The following EPB41L5 variants were observed in gnomAD, a reference collection of about 807,000 sequenced individuals.
The protein encoded by EPB41L5 is erythrocyte membrane protein band 4.1 like 5, also known as band 4.1-like protein 5.
In EPB41L5, 55 loss-of-function variants were observed where a neutral mutation model predicts 106.6. The ratio of observed to expected loss-of-function variants is 0.52; its 90% CI spans 0.42 to 0.65. The LOEUF (loss-of-function observed/expected upper bound fraction) is 0.65. EPB41L5 is among the 30% of genes least tolerant of loss of function. The probability of loss-of-function intolerance (pLI) is 0.00; values close to 1 mark genes in which losing one functional copy is unlikely to be tolerated. For missense variants in EPB41L5, 871 were observed against 882.1 expected (o/e 0.99, Z 0.16); for synonymous variants, 297 against 306.7 (o/e 0.97, Z 0.33).
intron 2 of EPB41L5, among the ~76,000 whole-genome samples, chr2:120,041,702 A>G (rs1002550689): frequency 6.6e-6 from 1 of 152,178 alleles, no homozygotes; most frequent in Non-Finnish European, 1.5e-5. Context: ...CTAAAAATTG[A>G]TTACAACACA....
At chr2:120,056,813 A>G (rs189786344) in intron 3 of EPB41L5, among the ~76,000 whole-genome samples, 3 of 152,206 alleles carry the variant, frequency 2.0e-5, no homozygotes, top group East Asian at 1.9e-4. Context: ...TTTGTCATTG[A>G]AACCATCTGG....
At chr2:120,112,648 T>C (rs998975388) in intron 16 of EPB41L5, among the ~76,000 whole-genome samples, 1 of 152,150 alleles carries the variant, frequency 6.6e-6, no homozygotes, top group African/African-American at 2.4e-5. Flanking sequence ...CAGGGACCTA[T>C]AGGAAAAGAA....
chr2:120,090,287 A>C, intron 11 of EPB41L5, 60 bp from the exon 12 acceptor site: 1 of 1,356,136 alleles, frequency 7.4e-7, no homozygotes, highest in East Asian at 2.4e-5. Flanking sequence ...TATCTCAGAA[A>C]TAGGAGATAG....
At chr2:120,035,504 A>G (rs1031124580) in intron 2 of EPB41L5, among the ~76,000 whole-genome samples, 8 of 152,188 alleles carry the variant, frequency 5.3e-5, no homozygotes, top group East Asian at 1.9e-4. Context: ...TAAGCGCTCT[A>G]TTAATGTTTG....
rs372691088 is a variant in EPB41L5 at position 120,056,496 on chromosome 2, G to A, written c.285+14386G>A. Among the ~76,000 whole-genome samples, 11 of 151,888 alleles carry A rather than the reference G, an allele frequency of 7.2e-5. 1 individual carries two copies. In the South Asian group the frequency reaches 1.7e-3, roughly 23 times the overall value. On this transcript the variant is annotated intron_variant, in intron 3 of 24. Transcript: ENST00000263713. ...GTATTTTTAGTAGAGATGGGATTTC[G>A]CCATGTTGTCCAGGCTGGTCTTGAA...
In EPB41L5 at chr2:120,158,356, C is replaced by T. The variant is rs530245750; in HGVS notation, c.1794-2525C>T. ...CAATGCAAAAGTCCTCAACAAAATA[C>T]GGGCAAACTGAATCCAGCAGCACAT... On this transcript the variant is annotated intron_variant, in intron 20 of 24. Transcript: ENST00000263713. Among the ~76,000 whole-genome samples the T allele has an allele frequency of 1.1e-4, 16 of 152,244 alleles. 1 individual carries two copies. The South Asian group carries it at 2.7e-3, about 26-fold the overall frequency.
chr2:120,131,574 G>T (rs1018173591), intron 17 of EPB41L5, 44 bp from the exon 18 acceptor site: 1 of 1,415,130 alleles, frequency 7.1e-7, no homozygotes, highest in Admixed American at 1.7e-5. Context: ...AGCTGTGACA[G>T]CCTGGCAGAC....
Position 120,032,175 on chromosome 2 carries a change from G to A in EPB41L5, c.181-9831G>A, listed in dbSNP as rs188030730. On this transcript the variant is annotated intron_variant, in intron 2 of 24. Transcript: ENST00000263713. ...AGGTGGGCGTATCATGAGTTAAGGCGTTCCAGACCAGCCTGGCCAACAAGG... is the reference window on the plus strand; with the variant it reads ...AGGTGGGCGTATCATGAGTTAAGGCATTCCAGACCAGCCTGGCCAACAAGG... Among the ~76,000 whole-genome samples, 713 of 152,172 alleles carry A rather than the reference G, an allele frequency of 4.7e-3. 18 individuals carry two copies. The highest frequency in any genetic ancestry group is 0.037 in the Admixed American group (559 of 15,258).
At chr2:120,126,450 G>A (rs1398477541) in intron 16 of EPB41L5, among the ~76,000 whole-genome samples, 2 of 151,922 alleles carry the variant, frequency 1.3e-5, no homozygotes, top group Non-Finnish European at 2.9e-5. Context: ...CACTTAGGTC[G>A]CTTATCCATT....
chr2:120,036,118 A>G (rs1389613903), intron 2 of EPB41L5, among the ~76,000 whole-genome samples: 1 of 152,220 alleles, frequency 6.6e-6, no homozygotes, highest in Non-Finnish European at 1.5e-5. Flanking sequence ...TGTCTTCAAG[A>G]ATAAATCATA....
At position 120,090,917 on chromosome 2, in the gene EPB41L5, A is replaced by T. The variant is rs11894120; in HGVS notation, c.1043+401A>T. On this transcript the variant is annotated intron_variant, in intron 12 of 24. Coordinates refer to ENST00000263713, the MANE Select transcript of EPB41L5 (RefSeq NM_020909.4). ...AAACCTGAAGGTCATTATTCTCATG[A>T]CTCCTTGTTTGTTGTCATGAGTTAG... Among the ~76,000 whole-genome samples, 199 of 151,688 alleles carry T rather than the reference A, an allele frequency of 1.3e-3. 1 individual carries two copies. The highest frequency in any genetic ancestry group is 4.5e-3 in the African/African-American group (185 of 41,360).
rs1285561110 is a variant in EPB41L5 at position 120,168,010 on chromosome 2, G to A, written c.2135+3G>A. ...TTCTTGGTAGATGCTGTGACCAGGT[G>A]AGAAAATTATTTCTCATTTGCAGTT... On this transcript the variant is annotated splice_donor_region_variant and intron_variant, in intron 24 of 24. Coordinates refer to ENST00000263713, the MANE Select transcript of EPB41L5 (RefSeq NM_020909.4). The A allele has an allele frequency of 5.0e-6, 8 of 1,613,754 alleles. No individual in the cohort carries two copies. The South Asian group carries it at 8.8e-5, about 18-fold the overall frequency.
Position 120,057,086 on chromosome 2 carries a change from G to A in EPB41L5, c.285+14976G>A, listed in dbSNP as rs13404891. On this transcript the variant is annotated intron_variant, in intron 3 of 24. Coordinates refer to ENST00000263713, the MANE Select transcript of EPB41L5 (RefSeq NM_020909.4). ...TTCTTTATTTTTTTGTAGAGATGGG[G>A]GCTCACCATGTTGCCCAGACTGGTC... 1.9e-3 allele frequency among the ~76,000 whole-genome samples: 282 copies of A among 151,988 alleles called. 1 individual carries two copies. The highest frequency in any genetic ancestry group is 6.4e-3 in the African/African-American group (266 of 41,446).
rs1362254112 is a variant in EPB41L5 at position 120,100,783 on chromosome 2, A to T, written c.1306A>T (p.Ser436Cys). Residue 436 changes from serine to cysteine, a missense_variant, in exon 16 of 25, where the codon AGT (serine) becomes TGT (cysteine). Ser to Cys is a moderately radical substitution (Grantham distance 112). Coordinates refer to ENST00000263713, the MANE Select transcript of EPB41L5 (RefSeq NM_020909.4). ...VPVEIENLPQ[S>C]PGTDQHDRKC... is the part of the protein sequence containing the mutation. ...AGTGGAGATAGAGAATCTTCCACAG[A>T]GTCCTGGAACAGACCAGCATGACAG... 6.2e-7 allele frequency: 1 copy of T among 1,611,354 alleles called. No individual in the cohort carries two copies. Among genetic ancestry groups the T allele is most frequent in the East Asian group, 2.2e-5 (1 of 44,694 alleles).
intron 16 of EPB41L5, among the ~76,000 whole-genome samples, chr2:120,119,263 A>G (rs541136777): frequency 8.8e-4 from 134 of 151,834 alleles, no homozygotes; most frequent in African/African-American, 3.2e-3. Context: ...ATCTTCTCCC[A>G]TTCTGTAAGT....
intron 20 of EPB41L5, 109 bp from the exon 21 acceptor site, chr2:120,160,772 C>A (rs527772459): frequency 6.9e-6 from 5 of 721,314 alleles, no homozygotes; most frequent in East Asian, 2.6e-5. Context: ...TTTTCATATA[C>A]CTTCCCCTAC....
intron 7 of EPB41L5, among the ~76,000 whole-genome samples, chr2:120,076,621 G>A (rs567361486): frequency 6.6e-5 from 10 of 151,784 alleles, no homozygotes; most frequent in Admixed American, 4.6e-4. Context: ...CTTAATAGAT[G>A]CCAGTTAATT....
intron 10 of EPB41L5, among the ~76,000 whole-genome samples, chr2:120,082,022 G>T (rs1443625010): frequency 6.4e-4 from 97 of 152,132 alleles, no homozygotes; most frequent in Non-Finnish European, 8.5e-4. Flanking sequence ...GAGATGATGG[G>T]GTTTTCTAAA....
At chr2:120,150,149 A>G (rs867210243) in intron 20 of EPB41L5, among the ~76,000 whole-genome samples, 1 of 152,054 alleles carries the variant, frequency 6.6e-6, no homozygotes, top group Middle Eastern at 3.4e-3. Context: ...CTCCCATCCC[A>G]GCCTTCCAAA....
Sources: allele counts gnomAD v4.1 joint callset (sites outside exome capture counted in the v4.1 genomes callset), GRCh38; gene constraint gnomAD v4.1.1; transcripts MANE v1.5; gene names NCBI Gene and HGNC (gene_info 2026-07-23, HGNC 2026-07-21).